Variants in FHIT observed in about 807,000 individuals in gnomAD.
FHIT encodes the protein bis(5'-adenosyl)-triphosphatase.
A neutral mutation model predicts 17.9 loss-of-function variants in FHIT; 19 were observed. That is an observed-to-expected ratio of 1.06 (90% CI 0.74 to 1.56). The LOEUF (loss-of-function observed/expected upper bound fraction) is 1.56, where lower values mean the gene tolerates loss of function less well. Among genes scored for constraint, FHIT ranks in the 40% most tolerant of loss-of-function variants. The probability of loss-of-function intolerance (pLI) is 0.00; values close to 1 mark genes in which losing one functional copy is unlikely to be tolerated. For synonymous variants in FHIT, 81 were observed against 69.7 expected (o/e 1.16, Z -0.81); for missense variants, 248 against 189.2 (o/e 1.31, Z -1.82).
intron 5 of FHIT, among the ~76,000 whole-genome samples, chr3:60,051,307 G>A (rs1365636175): frequency 1.4e-5 from 2 of 147,830 alleles, no homozygotes; most frequent in Non-Finnish European, 3.0e-5. Flanking sequence ...TAAACACACC[G>A]AAAGCCTAAT....
At chr3:59,927,127 T>C (rs1014699470) in intron 7 of FHIT, among the ~76,000 whole-genome samples, 3 of 151,300 alleles carry the variant, frequency 2.0e-5, no homozygotes, top group African/African-American at 7.2e-5. Flanking sequence ...GACAATAGGA[T>C]ATGATTTGGC....
intron 2 of FHIT, among the ~76,000 whole-genome samples, chr3:61,158,895 C>T (rs9816826): frequency 0.095 from 14,484 of 152,182 alleles, 738 homozygotes; most frequent in Non-Finnish European, 0.11. Flanking sequence ...CATTAGAAGA[C>T]CTAGTGACAA....
intron 5 of FHIT, among the ~76,000 whole-genome samples, chr3:60,485,360 T>C (rs1185238734): frequency 6.6e-6 from 1 of 152,190 alleles, no homozygotes. Context: ...ACACTTATGT[T>C]TAGTGCAGCG....
intron 2 of FHIT, among the ~76,000 whole-genome samples, chr3:61,145,955 C>T (rs2037215254): frequency 6.6e-6 from 1 of 151,832 alleles, no homozygotes; most frequent in Non-Finnish European, 1.5e-5. Context: ...ATTATTTTGT[C>T]CCCATCATAC....
intron 4 of FHIT, among the ~76,000 whole-genome samples, chr3:60,750,846 C>T (rs2042451736): frequency 6.6e-6 from 1 of 152,164 alleles, no homozygotes; most frequent in Non-Finnish European, 1.5e-5. Context: ...ATTTCAGTTT[C>T]CTGCCAGCCT....
chr3:60,432,510 T>C (rs1206507550), intron 5 of FHIT, among the ~76,000 whole-genome samples: 2 of 152,148 alleles, frequency 1.3e-5, no homozygotes, highest in East Asian at 1.9e-4. Context: ...TATCACTATA[T>C]AGCATTTTTA....
intron 2 of FHIT, among the ~76,000 whole-genome samples, chr3:61,126,513 T>C (rs1000204152): frequency 3.9e-5 from 6 of 152,016 alleles, no homozygotes; most frequent in African/African-American, 1.5e-4. Context: ...AACTGCCTTA[T>C]AAAACCATCA....
intron 4 of FHIT, among the ~76,000 whole-genome samples, chr3:60,622,200 C>A (rs1553678972): frequency 2.0e-5 from 3 of 152,132 alleles, no homozygotes; most frequent in Non-Finnish European, 4.4e-5. Context: ...GTAACAAGCA[C>A]CCAAGTGGTC....
At chr3:60,014,965 G>A (rs1372142961) in intron 5 of FHIT, among the ~76,000 whole-genome samples, 1 of 151,358 alleles carries the variant, frequency 6.6e-6, no homozygotes, top group Non-Finnish European at 1.5e-5. Context: ...AATATTCACT[G>A]TTACACCATC....
chr3:60,124,015 G>GAC (rs1705408153), intron 5 of FHIT, among the ~76,000 whole-genome samples: 2 of 52,952 alleles, frequency 3.8e-5, no homozygotes, highest in Non-Finnish European at 7.4e-5. Flanking sequence ...TATATAGAGA[G>GAC]AGAGAGAGAG....
At chr3:60,131,364 T>A (rs1375404306) in intron 5 of FHIT, among the ~76,000 whole-genome samples, 1 of 152,112 alleles carries the variant, frequency 6.6e-6, no homozygotes, top group Non-Finnish European at 1.5e-5. Flanking sequence ...ATATTCTTGA[T>A]CCACAGTGGA....
chr3:61,101,403 T>G (rs1484560285), intron 2 of FHIT, among the ~76,000 whole-genome samples: 1 of 152,242 alleles, frequency 6.6e-6, no homozygotes, highest in Non-Finnish European at 1.5e-5. Context: ...GGCTCTGTTC[T>G]ATTCCGTTGG....
At chr3:59,812,864 G>C (rs1454412088) in intron 8 of FHIT, among the ~76,000 whole-genome samples, 2 of 152,082 alleles carry the variant, frequency 1.3e-5, no homozygotes, top group Non-Finnish European at 2.9e-5. Flanking sequence ...TCTTCCTTTT[G>C]TTCTTTAAAG....
chr3:60,036,831 T>C (rs745786677), intron 5 of FHIT, among the ~76,000 whole-genome samples: 28 of 152,320 alleles, frequency 1.8e-4, no homozygotes, highest in Middle Eastern at 3.4e-3. Flanking sequence ...CATATCCTAA[T>C]ACTGAGACTT....
At chr3:60,493,844 G>A (rs1353144441) in intron 5 of FHIT, among the ~76,000 whole-genome samples, 1 of 152,110 alleles carries the variant, frequency 6.6e-6, no homozygotes, top group Non-Finnish European at 1.5e-5. Flanking sequence ...GAGCATAATG[G>A]AGTGTTGAAT....
intron 2 of FHIT, among the ~76,000 whole-genome samples, chr3:61,047,533 T>C (rs1299999051): frequency 1.3e-5 from 2 of 152,144 alleles, no homozygotes; most frequent in Non-Finnish European, 2.9e-5. Flanking sequence ...GAAGAATCAA[T>C]ATCATGAAAA....
intron 4 of FHIT, among the ~76,000 whole-genome samples, chr3:60,664,279 T>A (rs2107831007): frequency 6.6e-6 from 1 of 152,296 alleles, no homozygotes; most frequent in East Asian, 1.9e-4. Context: ...ATTACATTAA[T>A]TAATTTTAAA....
chr3:60,274,942 G>C (rs1360796465), intron 5 of FHIT, among the ~76,000 whole-genome samples: 1 of 152,062 alleles, frequency 6.6e-6, no homozygotes, highest in Non-Finnish European at 1.5e-5. Context: ...TTCCCAAACA[G>C]AATTATGTTA....
At chr3:60,625,396 A>G (rs1406139501) in intron 4 of FHIT, among the ~76,000 whole-genome samples, 1 of 152,276 alleles carries the variant, frequency 6.6e-6, no homozygotes, top group East Asian at 1.9e-4. Flanking sequence ...ACCATGTTAC[A>G]TTCTCACCAG....
Sources: gnomAD v4.1 joint callset for allele counts (sites outside exome capture counted in the v4.1 genomes callset) on GRCh38, gnomAD v4.1.1 for gene constraint, MANE v1.5 for transcripts, NCBI Gene and HGNC (gene_info 2026-07-23, HGNC 2026-07-21) for gene names.